Variants in PTPRD observed in about 807,000 individuals in gnomAD.
PTPRD encodes the protein receptor-type tyrosine-protein phosphatase delta.
In PTPRD, 34 loss-of-function variants were observed where a neutral mutation model predicts 214.5. That is an observed-to-expected ratio of 0.16 (90% confidence interval 0.12 to 0.21). The LOEUF (loss-of-function observed/expected upper bound fraction) is 0.21. PTPRD is among the 10% of genes least tolerant of loss of function. The pLI is 1.00. For synonymous variants in PTPRD, 1,128 were observed against 845.7 expected, an observed-to-expected ratio of 1.33 and a Z score of -5.79; for missense variants, 2,545 against 2,398.7, an observed-to-expected ratio of 1.06 and a Z score of -1.27.
At chr9:9,472,883 T>C (rs2026984) in intron 8 of PTPRD, among the ~76,000 whole-genome samples, 74,639 of 151,984 alleles carry the variant, frequency 0.49, 18,806 homozygotes, top group East Asian at 0.69. Context: ...AGGGATGCAG[T>C]GATATATTAT....
intron 10 of PTPRD, among the ~76,000 whole-genome samples, chr9:9,067,175 A>T (rs983679168): frequency 3.3e-5 from 5 of 152,222 alleles, no homozygotes; most frequent in African/African-American, 1.2e-4. Flanking sequence ...GGTTACAGTG[A>T]GCCTAGATAG....
intron 11 of PTPRD, among the ~76,000 whole-genome samples, chr9:8,755,231 AAC>A (rs1309281340): frequency 7.1e-6 from 1 of 140,014 alleles, no homozygotes; most frequent in African/African-American, 3.1e-5. Context: ...AAAAAAAAAA[AAC>A]AAAAAAAACA....
chr9:8,600,502 C>A (rs550586516), intron 14 of PTPRD, among the ~76,000 whole-genome samples: 24 of 151,788 alleles, frequency 1.6e-4, no homozygotes, highest in Admixed American at 1.2e-3. Flanking sequence ...TAAAAGACAC[C>A]CTTTCCTTCT....
chr9:9,802,704 T>C (rs918282033), intron 5 of PTPRD, among the ~76,000 whole-genome samples: 2 of 151,776 alleles, frequency 1.3e-5, no homozygotes, highest in Non-Finnish European at 2.9e-5. Flanking sequence ...ACCTAGCTTA[T>C]AGTTGGAGCT....
intron 9 of PTPRD, among the ~76,000 whole-genome samples, chr9:9,244,523 A>G (rs531997689): frequency 6.6e-6 from 1 of 152,334 alleles, no homozygotes; most frequent in East Asian, 1.9e-4. Flanking sequence ...CCTGACAAAA[A>G]CAAGCAATGG....
chr9:10,244,690 C>A (rs1324520211), intron 3 of PTPRD, among the ~76,000 whole-genome samples: 1 of 151,896 alleles, frequency 6.6e-6, no homozygotes, highest in Admixed American at 6.6e-5. Flanking sequence ...AATATAATGG[C>A]CCATATGGAA....
intron 14 of PTPRD, among the ~76,000 whole-genome samples, chr9:8,627,503 A>C (rs888804158): frequency 6.6e-6 from 1 of 151,954 alleles, no homozygotes; most frequent in Non-Finnish European, 1.5e-5. Flanking sequence ...TTCATTTCAA[A>C]ATTATTAAAA....
chr9:9,841,652 C>G (rs2058360201), intron 5 of PTPRD, among the ~76,000 whole-genome samples: 1 of 152,068 alleles, frequency 6.6e-6, no homozygotes, highest in South Asian at 2.1e-4. Flanking sequence ...CTGGAGATAG[C>G]AAGTAGTTAC....
intron 9 of PTPRD, among the ~76,000 whole-genome samples, chr9:9,349,126 T>A (rs543755683): frequency 1.3e-5 from 2 of 152,058 alleles, no homozygotes; most frequent in South Asian, 4.1e-4. Context: ...GATGGAAATA[T>A]GTTTAAGAAA....
At chr9:9,626,524 G>T (rs1239062597) in intron 7 of PTPRD, among the ~76,000 whole-genome samples, 1 of 152,118 alleles carries the variant, frequency 6.6e-6, no homozygotes, top group African/African-American at 2.4e-5. Context: ...TTAGTTGAAT[G>T]ATTTGATTAA....
intron 3 of PTPRD, among the ~76,000 whole-genome samples, chr9:10,130,762 A>G (rs115302423): frequency 6.6e-6 from 1 of 152,190 alleles, no homozygotes; most frequent in Non-Finnish European, 1.5e-5. Flanking sequence ...CTGAAAAAAA[A>G]TAAGCTGGAA....
intron 12 of PTPRD, among the ~76,000 whole-genome samples, chr9:8,729,859 T>C (rs1309028964): frequency 6.6e-6 from 1 of 152,176 alleles, no homozygotes; most frequent in East Asian, 1.9e-4. Context: ...CAGATGTCAG[T>C]CTATGCTCTA....
intron 12 of PTPRD, among the ~76,000 whole-genome samples, chr9:8,710,762 C>T (rs983448108): frequency 7.2e-5 from 11 of 151,960 alleles, no homozygotes; most frequent in Non-Finnish European, 1.0e-4. Context: ...AATCTAAATA[C>T]TTTAGATAAG....
intron 11 of PTPRD, among the ~76,000 whole-genome samples, chr9:8,895,117 A>G (rs567431366): frequency 6.6e-6 from 1 of 152,334 alleles, no homozygotes; most frequent in South Asian, 2.1e-4. Context: ...TAGTAACTAT[A>G]TTAATTACCA....
intron 2 of PTPRD, among the ~76,000 whole-genome samples, chr9:10,503,826 A>T (rs1423166869): frequency 6.6e-6 from 1 of 151,880 alleles, no homozygotes; most frequent in Non-Finnish European, 1.5e-5. Context: ...TTTAGAAAAG[A>T]TATACGAAGG....
intron 11 of PTPRD, among the ~76,000 whole-genome samples, chr9:8,886,029 G>T (rs991627152): frequency 6.6e-6 from 1 of 152,036 alleles, no homozygotes; most frequent in Non-Finnish European, 1.5e-5. Flanking sequence ...CACCTTTATG[G>T]TTTTTAGTAA....
At chr9:8,957,519 T>C (rs1374374713) in intron 11 of PTPRD, among the ~76,000 whole-genome samples, 2 of 151,860 alleles carry the variant, frequency 1.3e-5, no homozygotes, top group Non-Finnish European at 2.9e-5. Context: ...AAGTCAACCA[T>C]GCAAGCACCC....
intron 4 of PTPRD, among the ~76,000 whole-genome samples, chr9:9,967,777 T>C (rs1426277577): frequency 1.3e-5 from 2 of 152,144 alleles, no homozygotes; most frequent in Non-Finnish European, 2.9e-5. Flanking sequence ...ACATTGAACA[T>C]GCGTAAAAAG....
chr9:8,930,608 T>A (rs2098945836), intron 11 of PTPRD, among the ~76,000 whole-genome samples: 1 of 152,182 alleles, frequency 6.6e-6, no homozygotes, highest in East Asian at 1.9e-4. Flanking sequence ...TTTTCCCACA[T>A]CCTCTCCAGC....
Sources: gnomAD v4.1 joint callset for allele counts (sites outside exome capture counted in the v4.1 genomes callset) on GRCh38, gnomAD v4.1.1 for gene constraint, MANE v1.5 for transcripts, NCBI Gene and HGNC (gene_info 2026-07-23, HGNC 2026-07-21) for gene names.